The following ATP8A2 variants were observed in gnomAD, a reference collection of about 807,000 sequenced individuals.
ATP8A2 encodes the protein ATPase phospholipid transporting 8A2, also known as phospholipid-transporting ATPase IB.
ATP8A2 carries 100 observed loss-of-function variants against 165.6 expected under a neutral mutation model. The observed-to-expected ratio is 0.60, with a 90% CI of 0.51 to 0.71. The LOEUF is 0.71. Among genes scored for constraint, ATP8A2 ranks in the 30% least tolerant of loss-of-function variants. ATP8A2 has a pLI of 0.00. For missense variants in ATP8A2, 1,227 were observed against 1,479.5 expected (o/e 0.83, Z 2.80); for synonymous variants, 543 against 548.8 (o/e 0.99, Z 0.15).
chr13:25,672,648 A>G (rs903316967), intron 24 of ATP8A2, among the ~76,000 whole-genome samples: 1 of 152,158 alleles, frequency 6.6e-6, no homozygotes, highest in South Asian at 2.1e-4. Context: ...TTATTCTGTC[A>G]GCGTTTCTGA....
chr13:25,984,516 A>G (rs949462466), intron 35 of ATP8A2, among the ~76,000 whole-genome samples: 2 of 151,982 alleles, frequency 1.3e-5, no homozygotes, highest in African/African-American at 4.8e-5. Flanking sequence ...AGGCACGAGA[A>G]TCGCTTGATC....
intron 1 of ATP8A2, among the ~76,000 whole-genome samples, chr13:25,440,472 G>A (rs966705771): frequency 6.6e-5 from 10 of 152,208 alleles, no homozygotes; most frequent in African/African-American, 1.9e-4. Context: ...CAGGACGGTC[G>A]CAGGGCATAA....
chr13:25,915,411 C>A (rs1954242203), intron 33 of ATP8A2, among the ~76,000 whole-genome samples: 1 of 152,186 alleles, frequency 6.6e-6, no homozygotes, highest in Non-Finnish European at 1.5e-5. Flanking sequence ...ATCGCCACCA[C>A]CCTGTGATGA....
intron 25 of ATP8A2, among the ~76,000 whole-genome samples, chr13:25,766,855 T>C (rs2044501146): frequency 6.6e-6 from 1 of 152,186 alleles, no homozygotes; most frequent in Admixed American, 6.5e-5. Context: ...AATCCTATGC[T>C]AGGTGGAGTG....
At chr13:25,555,139 C>A (rs2038943441) in intron 13 of ATP8A2, 71 bp downstream of exon 13, 4 of 1,187,466 alleles carry the variant, frequency 3.4e-6, no homozygotes, top group East Asian at 4.7e-5. Context: ...AGCAGAAGAA[C>A]CATGGAAAGA....
At chr13:25,771,262 G>A (rs1401689687) in intron 26 of ATP8A2, among the ~76,000 whole-genome samples, 5 of 152,168 alleles carry the variant, frequency 3.3e-5, no homozygotes, top group East Asian at 1.9e-4. Context: ...AGAAAACAAC[G>A]GACCTGAGTG....
chr13:25,851,599 T>A (rs1283747578), intron 30 of ATP8A2, among the ~76,000 whole-genome samples: 3 of 143,686 alleles, frequency 2.1e-5, no homozygotes, highest in Non-Finnish European at 3.1e-5. Context: ...AAAAAAAAAA[T>A]TAATGCATTG....
chr13:25,730,148 A>G (rs9319239), intron 25 of ATP8A2, among the ~76,000 whole-genome samples: 98,808 of 151,850 alleles, frequency 0.65, 34,479 homozygotes, highest in Non-Finnish European at 0.79. Context: ...AAAATTAACC[A>G]GGCATGGTGC....
chr13:25,940,620 C>G (rs1375518343), intron 33 of ATP8A2, among the ~76,000 whole-genome samples: 1 of 151,148 alleles, frequency 6.6e-6, no homozygotes, highest in African/African-American at 2.5e-5. Flanking sequence ...GCTGGCTGTT[C>G]TTCTTCCTCC....
chr13:25,871,115 T>C (rs1952667597), intron 33 of ATP8A2: 2 of 327,278 alleles, frequency 6.1e-6, no homozygotes, highest in South Asian at 2.4e-5. Context: ...GAGTGGTTTT[T>C]TTTTTTCTTC....
chr13:25,922,232 T>C (rs1954481699), intron 33 of ATP8A2, among the ~76,000 whole-genome samples: 1 of 152,234 alleles, frequency 6.6e-6, no homozygotes, highest in African/African-American at 2.4e-5. Flanking sequence ...TTATTATGCT[T>C]GTTAAGAGTT....
chr13:25,899,934 G>A (rs529159190), intron 33 of ATP8A2, among the ~76,000 whole-genome samples: 2 of 152,050 alleles, frequency 1.3e-5, no homozygotes, highest in East Asian at 3.9e-4. Flanking sequence ...CCAGCTGGGT[G>A]ATGGGGACTT....
At chr13:25,657,683 T>C (rs1268810291) in intron 24 of ATP8A2, among the ~76,000 whole-genome samples, 1 of 152,242 alleles carries the variant, frequency 6.6e-6, no homozygotes, top group Non-Finnish European at 1.5e-5. Flanking sequence ...ACACAAATGT[T>C]GGTGTTAAAC....
intron 24 of ATP8A2, among the ~76,000 whole-genome samples, chr13:25,630,362 T>C (rs1354703913): frequency 6.6e-6 from 1 of 152,200 alleles, no homozygotes; most frequent in Non-Finnish European, 1.5e-5. Context: ...GTGGCAGCGT[T>C]GATCTCCATA....
intron 13 of ATP8A2, among the ~76,000 whole-genome samples, chr13:25,558,247 A>G (rs1262655746): frequency 1.3e-5 from 2 of 152,196 alleles, no homozygotes; most frequent in Non-Finnish European, 2.9e-5. Context: ...AAATGCAGAA[A>G]GAATCCTGCT....
At chr13:25,533,381 G>T (rs1288404481) in intron 6 of ATP8A2, 68 bp downstream of exon 6, 3 of 879,738 alleles carry the variant, frequency 3.4e-6, no homozygotes, top group South Asian at 1.5e-5. Context: ...TGCTGGTCTT[G>T]ATTGCAGTAT....
chr13:25,753,155 A>C (rs1346413303), intron 25 of ATP8A2, among the ~76,000 whole-genome samples: 3 of 152,172 alleles, frequency 2.0e-5, no homozygotes, highest in Non-Finnish European at 2.9e-5. Context: ...TGCTGATCAG[A>C]GAAAGGGTAG....
chr13:25,631,794 A>T (rs2041246172), intron 24 of ATP8A2, among the ~76,000 whole-genome samples: 1 of 152,162 alleles, frequency 6.6e-6, no homozygotes. Context: ...ACATAGACTG[A>T]GATACAGGAA....
intron 34 of ATP8A2, among the ~76,000 whole-genome samples, chr13:25,963,095 A>G (rs1383072005): frequency 6.6e-6 from 1 of 152,196 alleles, no homozygotes; most frequent in Non-Finnish European, 1.5e-5. Flanking sequence ...TAGATGTACC[A>G]TAAGAACATA....
Sources: allele counts gnomAD v4.1 joint callset (sites outside exome capture counted in the v4.1 genomes callset), GRCh38; gene constraint gnomAD v4.1.1; transcripts MANE v1.5; gene names NCBI Gene and HGNC (gene_info 2026-07-23, HGNC 2026-07-21).